Variants in PLXNA3 observed in about 807,000 individuals in gnomAD.
PLXNA3 encodes the protein plexin A3, also known as plexin-A3.
PLXNA3 carries 52 observed loss-of-function variants against 118.8 expected under a neutral mutation model. The observed-to-expected ratio is 0.44, with a 90% CI of 0.35 to 0.55. PLXNA3 has a LOEUF of 0.55. Among genes scored for constraint, PLXNA3 ranks in the 20% least tolerant of loss-of-function variants. The pLI, the probability that PLXNA3 is intolerant of heterozygous loss-of-function variation, is 0.01. For missense variants in PLXNA3, 1,660 were observed against 1,730.8 expected (o/e 0.96, Z 0.73); for synonymous variants, 925 against 762.4 (o/e 1.21, Z -3.51).
rs138605692 is a variant in PLXNA3 at position 154,467,945 on chromosome X, G to T, written c.3764G>T (p.Arg1255Leu). ...KTQDADRTLK[R>L]LQLQMDNLES... ...CAGGACGCGGACCGTACCCTCAAGC[G>T]TCTGCAGCTGCAGATGGACAACCTG... is the stretch of plus-strand genomic sequence containing the variant. The change falls in exon 21 of 33, where the codon CGT becomes CTT. Residue 1255 changes from arginine to leucine, a missense_variant. This residue lies in a region of PLXNA3 where 869 missense variants were observed against 1,078.7 expected (regional missense o/e 0.81). Transcript: ENST00000369682. The T allele has an allele frequency of 4.1e-6, 5 of 1,209,025 alleles. No individual in the cohort carries two copies. In the African/African-American group the frequency reaches 7.0e-5, roughly 17 times the overall value.
At position 154,477,758 on chromosome X, in the gene PLXNA3, TAAACTC is replaced by T; in HGVS notation, c.*5075_*5080del. 1 of 371,742 alleles carries T rather than the reference TAAACTC, an allele frequency of 2.7e-6. No homozygotes were observed. The highest frequency in any genetic ancestry group is 5.4e-5 in the South Asian group (1 of 18,499). 30.6% of individuals were successfully genotyped at this position (371,742 alleles called of 1,213,427 possible). Reference sequence around the variant, plus strand: ...TATTGGGAGGTGCCCCAGCTGCAAATAAACTCAGACTTGGAATAGTAGCGCAGTTTT... The same window carrying T: ...TATTGGGAGGTGCCCCAGCTGCAAATAGACTTGGAATAGTAGCGCAGTTTT... On this transcript the variant is annotated 3_prime_UTR_variant, in exon 33 of 33. Transcript: ENST00000369682.
rs2068983125 is a variant in PLXNA3, at chrX:154,462,223, C to CACCGACG, written c.1231_1237dup (p.Gly413AspfsTer42). 3.3e-6 allele frequency: 4 copies of CACCGACG among 1,202,018 alleles called. No homozygotes were observed. ...AGGGGCTGCCCCTGCTGGCCGACAG[C>CACCGACG]ACCGACGGCATGGCCAGCGTGGCCG... On this transcript the variant is annotated frameshift_variant, in exon 4 of 33. Coordinates refer to ENST00000369682, the MANE Select transcript of PLXNA3 (RefSeq NM_017514.5). LOFTEE classifies it high-confidence loss of function.
At chrX:154,472,435 G>T (rs782006837) in intron 32 of PLXNA3, among the ~76,000 whole-genome samples, 155 bp from the exon 33 acceptor site, 21 of 109,462 alleles carry the variant, frequency 1.9e-4, no homozygotes, top group African/African-American at 6.7e-4. Context: ...GGCATTTGGG[G>T]CTGGGGAGAG....
rs1022482739 is a variant in PLXNA3, at chrX:154,476,680, A to G, written c.*3995A>G. 9.0e-6 allele frequency: 1 copy of G among 111,645 alleles called. No homozygotes were observed. Among genetic ancestry groups the G allele is most frequent in the Admixed American group, 9.5e-5 (1 of 10,480 alleles). 9.2% of individuals were successfully genotyped at this position (111,645 alleles called of 1,213,427 possible). On this transcript the variant is annotated 3_prime_UTR_variant, in exon 33 of 33. Transcript: ENST00000369682. Reference sequence around the variant, plus strand: ...CTCCATATGGAGTAATAGGGACTGGATATGTCATGCCAAATGAAAGAACAC... The same window carrying G: ...CTCCATATGGAGTAATAGGGACTGGGTATGTCATGCCAAATGAAAGAACAC...
At chrX:154,464,722 C>T in intron 9 of PLXNA3, 32 bp from the exon 10 acceptor site, 1 of 1,005,002 alleles carries the variant, frequency 1.0e-6, no homozygotes, top group Non-Finnish European at 1.4e-6. Context: ...GTGCAGCCTC[C>T]TCTGTTATTT....
rs782364397 is a variant in PLXNA3 at position 154,470,444 on chromosome X, C to T, written c.4989C>T (p.Gly1663=). Residue 1663 remains glycine (G), a splice_region_variant and synonymous_variant, in exon 30 of 33, where the codon GGC becomes GGT. Coordinates refer to ENST00000369682, the MANE Select transcript of PLXNA3 (RefSeq NM_017514.5). ...IYLTRLLATK[G]TLQKFVDDLF... ...TGTGACCTCTCTGCCCCACACAGGG[C>T]ACACTGCAGAAGTTCGTGGATGACC... 52 of 1,207,832 alleles carry T rather than the reference C, an allele frequency of 4.3e-5. No homozygotes were observed. The South Asian group carries it at 8.3e-4, about 19-fold the overall frequency.
Position 154,460,510 on chromosome X carries a change from G to C in PLXNA3, c.327G>C (p.Leu109=). Residue 109 remains leucine (L), a synonymous_variant, in exon 2 of 33, where the codon CTG becomes CTC. Transcript: ENST00000369682. ...TCATAGACTATGCGGCCCGCCGCCT[G>C]GTGGCCTGCGGCAGCATCTGGCAGG... The part of the protein sequence containing the change: ...LLLIDYAARR[L]VACGSIWQGI... The C allele has an allele frequency of 8.3e-7, 1 of 1,210,090 alleles. No homozygotes were observed. The highest frequency in any genetic ancestry group is 3.0e-5 in the East Asian group (1 of 33,841).
At chrX:154,463,554 C>T (rs781945428) in intron 5 of PLXNA3, 35 bp downstream of exon 5, 26 of 617,380 alleles carry the variant, frequency 4.2e-5, no homozygotes, top group Admixed American at 1.2e-4. Flanking sequence ...GGTGGTGGGG[C>T]GGGGGTGGGC....
chrX:154,474,776 CTTTTTTTTTTTTTTTT>C lies in PLXNA3; in HGVS notation c.*2106_*2121del, dbSNP rs782102676. On this transcript the variant is annotated 3_prime_UTR_variant, in exon 33 of 33. Coordinates refer to ENST00000369682, the MANE Select transcript of PLXNA3 (RefSeq NM_017514.5). ...ACAGGCGTGAGCCACCATGCCTGAC[CTTTTTTTTTTTTTTTT>C]TTTTTTTTTTTTTTGGAGACGGGAT... The C allele has an allele frequency of 7.5e-5, 2 of 26,768 alleles. No individual in the cohort carries two copies. The highest frequency in any genetic ancestry group is 8.0e-4 in the Admixed American group (1 of 1,243). 2.2% of individuals were successfully genotyped at this position (26,768 alleles called of 1,213,427 possible). A position where few individuals can be genotyped will look rare whatever the true frequency, so the allele number is the denominator to read the frequency against.
chrX:154,472,709 G>A lies in PLXNA3; in HGVS notation c.*24G>A. ...AAGGTGGTGGAATCGGTGAGGAGGGGGCTTCTCAGTCCTGTGCCGTCCTCC... is the reference window on the plus strand; with the variant it reads ...AAGGTGGTGGAATCGGTGAGGAGGGAGCTTCTCAGTCCTGTGCCGTCCTCC... On this transcript the variant is annotated 3_prime_UTR_variant, in exon 33 of 33. Transcript: ENST00000369682. 2 of 1,063,655 alleles carry A rather than the reference G, an allele frequency of 1.9e-6. No homozygotes were observed. Among genetic ancestry groups the A allele is most frequent in the South Asian group, 1.9e-5 (1 of 53,822 alleles). The allele number at this position is 1,063,655 out of a possible 1,213,427, so 87.7% of individuals were successfully genotyped here. A position where few individuals can be genotyped will look rare whatever the true frequency, so the allele number is the denominator to read the frequency against.
Position 154,462,275 on chromosome X carries a change from G to A in PLXNA3, c.1282G>A (p.Val428Ile), listed in dbSNP as rs782403937. The stretch of plus-strand genomic sequence containing the variant: ...CTACACCTACCGCCAGCACTCTGTG[G>A]TCTTCATTGGCACGCGCAGCGGCAG... ...AAYTYRQHSV[V>I]FIGTRSGSLK... The change falls in exon 4 of 33, where the codon GTC becomes ATC. Residue 428 changes from valine to isoleucine, a missense_variant. Physicochemically the swap from Val to Ile is conservative, Grantham distance 29. Coordinates refer to ENST00000369682, the MANE Select transcript of PLXNA3 (RefSeq NM_017514.5). 8.5e-6 allele frequency: 10 copies of A among 1,173,353 alleles called. No homozygotes were observed. The highest frequency in any genetic ancestry group is 1.1e-5 in the Non-Finnish European group (10 of 875,177).
chrX:154,461,063 C>T (rs1484428689), intron 2 of PLXNA3, 36 bp from the exon 3 acceptor site: 2 of 1,130,317 alleles, frequency 1.8e-6, no homozygotes, highest in Non-Finnish European at 2.4e-6. Context: ...TGGCACAGGG[C>T]CTCACCGGAT....
chrX:154,459,693 C>G (rs2068903883), intron 1 of PLXNA3, among the ~76,000 whole-genome samples: 2 of 112,653 alleles, frequency 1.8e-5, no homozygotes, highest in Non-Finnish European at 3.8e-5. Context: ...CCTCCATTCC[C>G]CAGACCTCTG....
At chrX:154,459,083 C>T (rs781995020) in intron 1 of PLXNA3, among the ~76,000 whole-genome samples, 3 of 111,400 alleles carry the variant, frequency 2.7e-5, no homozygotes, top group African/African-American at 6.5e-5. Context: ...AAGCTGGGCC[C>T]GCTGCTTGTT....
chrX:154,461,372 C>A lies in PLXNA3; in HGVS notation c.868C>A (p.Arg290Ser). Residue 290 changes from arginine (R) to serine (S), a missense_variant, in exon 3 of 33, where the codon CGC (arginine) becomes AGC (serine). By Grantham distance (110) the Arg-to-Ser change is moderately radical. Coordinates refer to ENST00000369682, the MANE Select transcript of PLXNA3 (RefSeq NM_017514.5). ...IGCSWRGVEY[R>S]LVQSAHLAKP... ...CTGCTCCTGGCGCGGCGTGGAGTAC[C>A]GCTTGGTGCAGAGCGCCCACCTGGC... 1 of 1,211,948 alleles carries A rather than the reference C, an allele frequency of 8.3e-7. No homozygotes were observed. Among genetic ancestry groups the A allele is most frequent in the Middle Eastern group, 2.3e-4 (1 of 4,349 alleles).
chrX:154,467,535 C>T lies in PLXNA3; in HGVS notation c.3442-10C>T. 2 of 1,171,526 alleles carry T rather than the reference C, an allele frequency of 1.7e-6. No homozygotes were observed. Among genetic ancestry groups the T allele is most frequent in the Non-Finnish European group, 2.3e-6 (2 of 875,577 alleles). The stretch of plus-strand genomic sequence containing the variant: ...GAGAGTCCTGGGCTGAAGTTGTCCT[C>T]CACCCCCAGGGCAAGAACCTGATTC... On this transcript the variant is annotated splice_polypyrimidine_tract_variant and intron_variant, in intron 19 of 32. Coordinates refer to ENST00000369682, the MANE Select transcript of PLXNA3 (RefSeq NM_017514.5).
Position 154,461,590 on chromosome X carries a change from T to C in PLXNA3, c.1086T>C (p.Thr362=). 2 of 1,204,046 alleles carry C rather than the reference T, an allele frequency of 1.7e-6. No homozygotes were observed. The change falls in exon 3 of 33, where the codon ACT becomes ACC. Residue 362 remains threonine, a synonymous_variant. Transcript: ENST00000369682. The part of the protein sequence containing the change: ...RIQSCYRGEG[T]LALPWLLNKE... ...AGTCCTGCTATCGTGGGGAGGGCAC[T>C]CTGGCTCTGCCCTGGCTGCTGAACA...
intron 15 of PLXNA3, 38 bp downstream of exon 15, chrX:154,466,308 T>C: frequency 8.3e-7 from 1 of 1,210,198 alleles, no homozygotes; most frequent in African/African-American, 1.7e-5. Context: ...CTGTCCCTTC[T>C]CTCTCCCGCA....
Position 154,463,604 on chromosome X carries a change from G to C in PLXNA3, c.1461G>C (p.Pro487=). ...LLSEKQVSQL[P]VETCEQYQSC... ...GCTGTCCCCAGGTGAGCCAGCTCCC[G>C]GTGGAGACCTGTGAGCAGTACCAGA... Residue 487 remains proline (P), a synonymous_variant, in exon 6 of 33, where the codon CCG becomes CCC. Coordinates refer to ENST00000369682, the MANE Select transcript of PLXNA3 (RefSeq NM_017514.5). 4 of 1,200,497 alleles carry C rather than the reference G, an allele frequency of 3.3e-6. No homozygotes were observed. The highest frequency in any genetic ancestry group is 4.5e-6 in the Non-Finnish European group (4 of 891,256).
Sources: allele counts gnomAD v4.1 joint callset (sites outside exome capture counted in the v4.1 genomes callset), GRCh38; gene constraint gnomAD v4.1.1; regional missense constraint gnomAD v4.1.1; transcripts MANE v1.5; gene names NCBI Gene and HGNC (gene_info 2026-07-23, HGNC 2026-07-21).